The following KCNQ2 variants were observed in gnomAD, a reference collection of about 807,000 sequenced individuals.
The protein encoded by KCNQ2 is potassium voltage-gated channel subfamily Q member 2.
A neutral mutation model predicts 84.8 loss-of-function variants in KCNQ2; 14 were observed. The observed-to-expected ratio is 0.17, with a 90% CI of 0.11 to 0.26. KCNQ2 has a LOEUF of 0.26. KCNQ2 is among the 10% of genes least tolerant of loss of function. The pLI, the probability that KCNQ2 is intolerant of heterozygous loss-of-function variation, is 1.00. For missense variants in KCNQ2, 788 were observed against 1,254.0 expected, an observed-to-expected ratio of 0.63 and a Z score of 5.61; for synonymous variants, 599 against 554.1, an observed-to-expected ratio of 1.08 and a Z score of -1.14.
rs1474100646 is a variant in KCNQ2, at chr20:63,438,886, G to A, written c.928-166C>T. On this transcript the variant is annotated intron_variant, in intron 6 of 16. Transcript: ENST00000359125. The surrounding 1 kb of genome is among the most constrained non-coding windows in gnomAD (Gnocchi z 5.1). ...TTCATCAGGGTCAGACCACGCCCCA[G>A]GGACTCACACACCCCCCAGTTCATC... is the stretch of plus-strand genomic sequence containing the variant. Among the ~76,000 whole-genome samples, 1 of 145,654 alleles carries A rather than the reference G, an allele frequency of 6.9e-6. No individual in the cohort carries two copies. Among genetic ancestry groups the A allele is most frequent in the African/African-American group, 2.6e-5 (1 of 38,754 alleles).
chr20:63,451,638 G>T (rs1421618984), intron 1 of KCNQ2, among the ~76,000 whole-genome samples: 1 of 152,184 alleles, frequency 6.6e-6, no homozygotes, highest in East Asian at 1.9e-4. Context: ...CTTCAGCCAA[G>T]AACAAGAGGG....
chr20:63,455,113 C>T (rs13039070), intron 1 of KCNQ2, among the ~76,000 whole-genome samples: 37,675 of 152,054 alleles, frequency 0.25, 4,803 homozygotes, highest in South Asian at 0.3. Context: ...GAGGGGAGGA[C>T]GGCGGGAAGA....
rs752087173 is a variant in KCNQ2, at chr20:63,407,287, A to G, written c.1976T>C (p.Phe659Ser). 3.1e-6 allele frequency: 5 copies of G among 1,595,470 alleles called. No individual in the cohort carries two copies. Among genetic ancestry groups the G allele is most frequent in the Non-Finnish European group, 4.2e-6 (5 of 1,177,000 alleles). The change falls in exon 17 of 17, where the codon TTT (phenylalanine) becomes TCT (serine). Residue 659 changes from phenylalanine (F) to serine (S), a missense_variant. This residue lies in a region of KCNQ2 where 378 missense variants were observed against 434.5 expected (regional missense o/e 0.87). Transcript: ENST00000359125. This position sits in a 1 kb window ranked among gnomAD's most constrained non-coding sequence, Gnocchi z 7.2. Reference protein sequence around the residue: ...GIPPTETEAYFGAKEPEPAPP... With the variant: ...GIPPTETEAYSGAKEPEPAPP... ...CGCCGGCTCCGGCTCTTTGGCCCCA[A>G]AGTAGGCCTCGGTCTCTGTCGGGGG...
At chr20:63,424,628 C>T (rs2080573799) in intron 10 of KCNQ2, 1 of 196,220 alleles carries the variant, frequency 5.1e-6, no homozygotes, top group African/African-American at 2.3e-5. Flanking sequence ...ACTCTTTTTT[C>T]CACGCTCATC....
At chr20:63,443,424 T>TCATCACCATCAC (rs1346469719) in intron 4 of KCNQ2, among the ~76,000 whole-genome samples, 1 of 36,620 alleles carries the variant, frequency 2.7e-5, no homozygotes, top group Admixed American at 2.5e-4. Flanking sequence ...ATCACCACCA[T>TCATCACCATCAC]CATCACCATC....
intron 10 of KCNQ2, among the ~76,000 whole-genome samples, chr20:63,426,531 G>A (rs1011066527): frequency 6.6e-6 from 1 of 151,174 alleles, no homozygotes; most frequent in African/African-American, 2.4e-5. Flanking sequence ...TCTTTTGGCG[G>A]ATCGGCCAGG....
intron 1 of KCNQ2, among the ~76,000 whole-genome samples, chr20:63,466,954 G>A (rs935733324): frequency 1.3e-5 from 2 of 152,258 alleles, no homozygotes; most frequent in African/African-American, 2.4e-5. Flanking sequence ...AGCCCCCCGT[G>A]AGGTAACACG....
chr20:63,427,407 G>A (rs1050391742), intron 10 of KCNQ2, among the ~76,000 whole-genome samples: 2 of 152,238 alleles, frequency 1.3e-5, no homozygotes. Context: ...TGCCACAGCC[G>A]CACGCGGCTC....
At chr20:63,409,321 ATGTG>A (rs916784705) in intron 15 of KCNQ2, among the ~76,000 whole-genome samples, 2 of 152,214 alleles carry the variant, frequency 1.3e-5, no homozygotes, top group Non-Finnish European at 2.9e-5. Context: ...GCGTGTGTGC[ATGTG>A]TGTGTGTAGG....
chr20:63,412,110 C>T, intron 15 of KCNQ2: 1 of 515,160 alleles, frequency 1.9e-6, no homozygotes, highest in South Asian at 2.1e-5. Flanking sequence ...CGGGCGGCCC[C>T]ACTGCGGAGA....
At chr20:63,439,577 G>C in intron 6 of KCNQ2, 21 bp downstream of exon 6, 2 of 1,576,324 alleles carry the variant, frequency 1.3e-6, no homozygotes, top group Non-Finnish European at 1.7e-6. Context: ...CTCCAAGGCA[G>C]GCAGGGGCAG....
At chr20:63,410,603 G>A (rs1049929796) in intron 15 of KCNQ2, among the ~76,000 whole-genome samples, 7 of 152,166 alleles carry the variant, frequency 4.6e-5, no homozygotes, top group South Asian at 2.1e-4. Context: ...GGCAAACTCC[G>A]TCCGGGGCTA....
At chr20:63,453,394 C>T (rs1264409498) in intron 1 of KCNQ2, among the ~76,000 whole-genome samples, 1 of 152,256 alleles carries the variant, frequency 6.6e-6, no homozygotes, top group Non-Finnish European at 1.5e-5. Flanking sequence ...ATTTCCAAGC[C>T]GCGATTAATT....
At chr20:63,452,267 C>T (rs1053108608) in intron 1 of KCNQ2, among the ~76,000 whole-genome samples, 2 of 152,262 alleles carry the variant, frequency 1.3e-5, no homozygotes, top group Admixed American at 6.5e-5. Context: ...ACCCCGAGGA[C>T]GTCCCAGCTC....
At chr20:63,445,185 G>A (rs1028760903) in intron 3 of KCNQ2, 53 bp downstream of exon 3, 531 of 1,611,102 alleles carry the variant, frequency 3.3e-4, no homozygotes, top group Non-Finnish European at 4.4e-4. Flanking sequence ...GGCTGAGTCC[G>A]TCCCTGGGTG....
chr20:63,458,403 C>T (rs2081861336), intron 1 of KCNQ2, among the ~76,000 whole-genome samples: 1 of 152,172 alleles, frequency 6.6e-6, no homozygotes, highest in East Asian at 1.9e-4. Flanking sequence ...CTCCTGCCCT[C>T]GGCAAACGCC....
chr20:63,413,399 G>A lies in KCNQ2; in HGVS notation c.1763+51C>T, dbSNP rs368562502. On this transcript the variant is annotated intron_variant, in intron 15 of 16. Coordinates refer to ENST00000359125, the MANE Select transcript of KCNQ2 (RefSeq NM_172107.4). ...ATGGGCCACAGTGGGCTTTGTCCCAGAAGCCCACCCCGTTCTTGTCCCCTG... is the reference window on the plus strand; with the variant it reads ...ATGGGCCACAGTGGGCTTTGTCCCAAAAGCCCACCCCGTTCTTGTCCCCTG... 175 of 1,607,356 alleles carry A rather than the reference G, an allele frequency of 1.1e-4. 1 individual carries two copies. The African/African-American group carries it at 2.1e-3, about 20-fold the overall frequency.
chr20:63,427,858 G>A (rs1405528795), intron 10 of KCNQ2, among the ~76,000 whole-genome samples: 2 of 152,184 alleles, frequency 1.3e-5, no homozygotes, highest in Non-Finnish European at 2.9e-5. Context: ...TTCAGACATG[G>A]AACTGCTTGG....
intron 1 of KCNQ2, among the ~76,000 whole-genome samples, chr20:63,463,055 C>CTGTGTCTGTG (rs2081994844): frequency 6.8e-6 from 1 of 147,910 alleles, no homozygotes; most frequent in Non-Finnish European, 1.5e-5. Flanking sequence ...GGTGTCTTTT[C>CTGTGTCTGTG]TGTGTGTGTG....
Sources: gnomAD v4.1 joint callset for allele counts (sites outside exome capture counted in the v4.1 genomes callset) on GRCh38, gnomAD v4.1.1 for gene constraint, gnomAD v4.1.1 regional missense constraint, Gnocchi (gnomAD v3.1) non-coding constraint, MANE v1.5 for transcripts, NCBI Gene and HGNC (gene_info 2026-07-23, HGNC 2026-07-21) for gene names.